The following MARCHF1 variants were observed in gnomAD, a reference collection of about 807,000 sequenced individuals.
MARCHF1 encodes the protein E3 ubiquitin-protein ligase MARCHF1.
In MARCHF1, 40 loss-of-function variants were observed where a neutral mutation model predicts 54.2. The observed-to-expected ratio is 0.74, with a 90% CI of 0.57 to 0.96. MARCHF1 has a LOEUF of 0.96. Ranked by LOEUF, MARCHF1 falls within the 40% of genes least tolerant of loss-of-function variation. MARCHF1 has a pLI of 0.00. For synonymous variants in MARCHF1, 236 were observed against 236.3 expected, an observed-to-expected ratio of 1.00 and a Z score of 0.01; for missense variants, 586 against 656.5, an observed-to-expected ratio of 0.89 and a Z score of 1.17.
intron 1 of MARCHF1, chr4:164,197,291 G>T (rs1287119121): frequency 6.2e-7 from 1 of 1,611,784 alleles, no homozygotes. Context: ...CAGCTGTCGA[G>T]ATATGTGAGT....
chr4:163,932,995 T>C (rs1751713307), intron 3 of MARCHF1: 1 of 928,606 alleles, frequency 1.1e-6, no homozygotes, highest in Non-Finnish European at 1.7e-6. Flanking sequence ...AAGAAAGAGA[T>C]ACAATCCACA....
intron 5 of MARCHF1, among the ~76,000 whole-genome samples, chr4:163,629,664 C>A (rs1195741304): frequency 1.3e-5 from 2 of 152,034 alleles, no homozygotes; most frequent in Non-Finnish European, 2.9e-5. Context: ...ATCCATCTGA[C>A]AAAGGGCTAA....
At chr4:164,198,729 C>T (rs142106332) in intron 1 of MARCHF1, among the ~76,000 whole-genome samples, 79 of 152,282 alleles carry the variant, frequency 5.2e-4, no homozygotes, top group African/African-American at 1.9e-3. Context: ...GAGTGAATAA[C>T]ATTTTTTGCT....
At chr4:164,071,098 G>A (rs895518631) in intron 2 of MARCHF1, among the ~76,000 whole-genome samples, 2 of 152,054 alleles carry the variant, frequency 1.3e-5, no homozygotes, top group African/African-American at 2.4e-5. Flanking sequence ...TCCCAGTTTC[G>A]AGTATGTCTT....
chr4:163,712,922 T>C (rs977989152), intron 4 of MARCHF1, among the ~76,000 whole-genome samples: 4 of 152,124 alleles, frequency 2.6e-5, no homozygotes, highest in African/African-American at 7.2e-5. Flanking sequence ...TCTAAGAGCC[T>C]GAAAAGCAAC....
At chr4:163,910,440 A>G (rs948617014) in intron 3 of MARCHF1, among the ~76,000 whole-genome samples, 1 of 152,180 alleles carries the variant, frequency 6.6e-6, no homozygotes. Context: ...TTGCTATAAT[A>G]TGCCATTCAA....
chr4:164,281,183 ATCAT>A (rs556572787), intron 1 of MARCHF1, among the ~76,000 whole-genome samples: 179 of 152,302 alleles, frequency 1.2e-3, no homozygotes, highest in Non-Finnish European at 1.2e-3. Flanking sequence ...GAATAGTGTG[ATCAT>A]TCAAGCAAAA....
chr4:163,969,641 A>C (rs540463018), intron 3 of MARCHF1, among the ~76,000 whole-genome samples: 1 of 152,352 alleles, frequency 6.6e-6, no homozygotes, highest in South Asian at 2.1e-4. Context: ...TGGATGGGCA[A>C]CAGATCAAAA....
intron 4 of MARCHF1, among the ~76,000 whole-genome samples, chr4:163,749,899 T>TA (rs3085804): frequency 0.1 from 14,892 of 149,002 alleles, 1,342 homozygotes; most frequent in East Asian, 0.3. Context: ...CTATCTTTGT[T>TA]AAAAAAAAAA....
At chr4:164,262,903 C>T (rs1057311968) in intron 1 of MARCHF1, among the ~76,000 whole-genome samples, 1 of 152,096 alleles carries the variant, frequency 6.6e-6, no homozygotes, top group Non-Finnish European at 1.5e-5. Flanking sequence ...TATTATGTCC[C>T]TCATCCATAG....
intron 3 of MARCHF1, among the ~76,000 whole-genome samples, chr4:163,857,877 C>T (rs1749810994): frequency 6.6e-6 from 1 of 150,830 alleles, no homozygotes; most frequent in Non-Finnish European, 1.5e-5. Flanking sequence ...GAGAAGTAAC[C>T]CAGTTTTTGT....
At chr4:164,340,939 C>T (rs1057473826) in intron 1 of MARCHF1, among the ~76,000 whole-genome samples, 6 of 145,720 alleles carry the variant, frequency 4.1e-5, no homozygotes, top group Non-Finnish European at 7.5e-5. Context: ...AAAAAAGTTA[C>T]AGGTCAATAT....
intron 3 of MARCHF1, among the ~76,000 whole-genome samples, chr4:163,957,099 T>C (rs1752246791): frequency 6.6e-6 from 1 of 152,070 alleles, no homozygotes; most frequent in African/African-American, 2.4e-5. Context: ...TCTGAATGTT[T>C]TAATACATTT....
chr4:164,188,940 G>T, intron 1 of MARCHF1: 2 of 755,698 alleles, frequency 2.6e-6, no homozygotes, highest in South Asian at 1.4e-5. Context: ...AAAGATATTG[G>T]AACTATTGCT....
intron 4 of MARCHF1, among the ~76,000 whole-genome samples, chr4:163,820,100 T>C (rs1274239764): frequency 6.6e-6 from 1 of 152,108 alleles, no homozygotes; most frequent in Non-Finnish European, 1.5e-5. Flanking sequence ...TCTATACTTA[T>C]AGTCTGTATT....
chr4:164,128,994 AC>A (rs1756244935), intron 1 of MARCHF1, among the ~76,000 whole-genome samples: 1 of 152,020 alleles, frequency 6.6e-6, no homozygotes, highest in South Asian at 2.1e-4. Context: ...CTTCCCTACC[AC>A]CCATACAAGT....
At chr4:163,817,367 A>G (rs747277932) in intron 4 of MARCHF1, among the ~76,000 whole-genome samples, 2 of 148,216 alleles carry the variant, frequency 1.3e-5, no homozygotes, top group South Asian at 2.1e-4. Flanking sequence ...ACATACATAC[A>G]TATACATACA....
intron 5 of MARCHF1, among the ~76,000 whole-genome samples, chr4:163,637,568 G>T (rs1329151878): frequency 1.3e-5 from 2 of 151,218 alleles, no homozygotes; most frequent in African/African-American, 2.4e-5. Context: ...AGTTAGAATG[G>T]CAATCATTAA....
chr4:164,089,822 G>A (rs1214169177), intron 2 of MARCHF1, among the ~76,000 whole-genome samples: 1 of 151,908 alleles, frequency 6.6e-6, no homozygotes, highest in Non-Finnish European at 1.5e-5. Context: ...GAATTCACTT[G>A]TGAAACCATC....
Sources: allele counts gnomAD v4.1 joint callset (sites outside exome capture counted in the v4.1 genomes callset), GRCh38; gene constraint gnomAD v4.1.1; transcripts MANE v1.5; gene names NCBI Gene and HGNC (gene_info 2026-07-23, HGNC 2026-07-21).